MYH10: variants seen among roughly 807,000 people sequenced by gnomAD.
The protein encoded by MYH10 is myosin-10.
A neutral mutation model predicts 257.8 loss-of-function variants in MYH10; 55 were observed. The observed-to-expected ratio is 0.21, with a 90% CI of 0.17 to 0.27. MYH10 has a LOEUF of 0.27. Ranked by LOEUF, MYH10 falls within the 10% of genes least tolerant of loss-of-function variation. MYH10 has a pLI of 1.00. For synonymous variants in MYH10, 854 were observed against 921.7 expected (o/e 0.93, Z 1.33); for missense variants, 1,631 against 2,500.6 (o/e 0.65, Z 7.42).
intron 31 of MYH10, among the ~76,000 whole-genome samples, chr17:8,494,600 G>A (rs1437775005): frequency 2.6e-5 from 4 of 151,908 alleles, no homozygotes; most frequent in African/African-American, 4.8e-5. Flanking sequence ...ACACTCATAA[G>A]TGTTTGTAAA....
At chr17:8,588,029 C>A (rs1018325804) in intron 4 of MYH10, among the ~76,000 whole-genome samples, 3 of 151,936 alleles carry the variant, frequency 2.0e-5, no homozygotes, top group African/African-American at 7.3e-5. Context: ...CCCTCTGTCC[C>A]GAAATGCCTC....
intron 23 of MYH10, 143 bp from the exon 24 acceptor site, chr17:8,512,800 GTT>G: frequency 1.5e-6 from 1 of 680,302 alleles, no homozygotes; most frequent in Non-Finnish European, 2.3e-6. Context: ...TTTCAAATAC[GTT>G]TTTGTCTATA....
intron 28 of MYH10, among the ~76,000 whole-genome samples, chr17:8,503,597 G>A (rs527836335): frequency 1.6e-4 from 24 of 152,294 alleles, no homozygotes; most frequent in Non-Finnish European, 3.1e-4. Flanking sequence ...CAAGTGCCCA[G>A]GTTTCCAGCT....
At position 8,535,520 on chromosome 17, in the gene MYH10, A is replaced by G. The variant is rs758430249; in HGVS notation, c.1780-19T>C. 3 of 1,574,294 alleles carry G rather than the reference A, an allele frequency of 1.9e-6. No individual in the cohort carries two copies. The highest frequency in any genetic ancestry group is 1.7e-6 in the Non-Finnish European group (2 of 1,155,692). ...AGTCCACCTATCCCGCACCAAAGCC[A>G]AAAGTGGTGAAATGGAGAACACAAA... is the stretch of plus-strand genomic sequence containing the variant. On this transcript the variant is annotated intron_variant, in intron 15 of 42. Transcript: ENST00000360416. This position sits in a 1 kb window ranked among gnomAD's most constrained non-coding sequence, Gnocchi z 4.3.
Position 8,499,392 on chromosome 17 carries a change from C to T in MYH10, c.3829G>A (p.Val1277Ile). Residue 1277 changes from valine (V) to isoleucine (I), a missense_variant, in exon 30 of 43, where the codon GTC becomes ATC. Coordinates refer to ENST00000360416, the MANE Select transcript of MYH10 (RefSeq NM_001256012.3). The part of the protein sequence containing the change: ...LACEVKVLQQ[V>I]KAESEHKRKK... ...CTCTTGTGCTCAGACTCAGCCTTGA[C>T]CTGCTGCAGGACCTTCACCTCACAC... The T allele has an allele frequency of 6.2e-7, 1 of 1,614,230 alleles. No homozygotes were observed. Among genetic ancestry groups the T allele is most frequent in the East Asian group, 2.2e-5 (1 of 44,882 alleles).
chr17:8,542,002 T>C lies in MYH10; in HGVS notation c.1605+105A>G, dbSNP rs965274752. The C allele has an allele frequency of 1.1e-5, 13 of 1,142,454 alleles. No homozygotes were observed. In the African/African-American group the frequency reaches 2.0e-4, roughly 18 times the overall value. 70.8% of individuals were successfully genotyped at this position (1,142,454 alleles called of 1,614,324 possible). A position where few individuals can be genotyped will look rare whatever the true frequency, so the allele number is the denominator to read the frequency against. On this transcript the variant is annotated intron_variant, in intron 14 of 42. Coordinates refer to ENST00000360416, the MANE Select transcript of MYH10 (RefSeq NM_001256012.3). ...TCCTAGAAAATTTAGATCAGAAAAT[T>C]ATTTCACCACTGAACAGACTGGGTA...
At chr17:8,548,092 T>A (rs560128179) in intron 11 of MYH10, among the ~76,000 whole-genome samples, 2 of 152,226 alleles carry the variant, frequency 1.3e-5, no homozygotes, top group Non-Finnish European at 2.9e-5. Context: ...GCCTCCTGCA[T>A]GCTAAGGCAG....
At chr17:8,519,652 A>AT (rs2081584163) in intron 19 of MYH10, among the ~76,000 whole-genome samples, 1 of 152,040 alleles carries the variant, frequency 6.6e-6, no homozygotes, top group African/African-American at 2.4e-5. Context: ...TGGGATCAGA[A>AT]TGATGGCTTT....
Position 8,535,382 on chromosome 17 carries a change from CTT to C in MYH10, c.1894+3_1894+4del. On this transcript the variant is annotated splice_donor_region_variant and intron_variant, in intron 16 of 42. Transcript: ENST00000360416. The surrounding 1 kb of genome is among the most constrained non-coding windows in gnomAD (Gnocchi z 4.3). The stretch of plus-strand genomic sequence containing the variant: ...GCATGATTACAAAGATAAGCACTTT[CTT>C]ACCATCTTTCCAAAGCTCTGCCACA... The C allele has an allele frequency of 1.2e-6, 2 of 1,609,222 alleles. No individual in the cohort carries two copies. The highest frequency in any genetic ancestry group is 1.7e-6 in the Non-Finnish European group (2 of 1,176,376).
At chr17:8,494,206 G>A (rs775786999) in intron 31 of MYH10, among the ~76,000 whole-genome samples, 14 of 151,950 alleles carry the variant, frequency 9.2e-5, no homozygotes, top group Non-Finnish European at 1.9e-4. Context: ...GTCACGCCTG[G>A]AATCCCTTCC....
chr17:8,530,552 C>T (rs1249156868), intron 17 of MYH10, 71 bp downstream of exon 17: 2 of 538,572 alleles, frequency 3.7e-6, no homozygotes, highest in African/African-American at 2.1e-5. Context: ...CCCTGCCAGT[C>T]CCCCCACACG....
chr17:8,622,601 T>C (rs775446856), intron 2 of MYH10, among the ~76,000 whole-genome samples: 2 of 152,228 alleles, frequency 1.3e-5, no homozygotes, highest in Non-Finnish European at 2.9e-5. Context: ...TTAAACCTTC[T>C]GGTCTTCCTG....
At chr17:8,511,614 C>T (rs2081299429) in intron 24 of MYH10, among the ~76,000 whole-genome samples, 1 of 152,212 alleles carries the variant, frequency 6.6e-6, no homozygotes, top group African/African-American at 2.4e-5. Flanking sequence ...AGGAAATGTT[C>T]AAGAGTAACT....
chr17:8,499,174 C>G, intron 30 of MYH10, 96 bp downstream of exon 30: 1 of 1,237,156 alleles, frequency 8.1e-7, no homozygotes. Flanking sequence ...TCGCACAGCA[C>G]ATTGGCCATG....
intron 3 of MYH10, among the ~76,000 whole-genome samples, chr17:8,592,933 C>CTATATATATATATATATA (rs71159601): frequency 4.5e-5 from 2 of 44,712 alleles, no homozygotes; most frequent in African/African-American, 6.2e-5. Context: ...TCAAATCCAG[C>CTATATATATATATATATA]TATATATATA....
At position 8,542,069 on chromosome 17, in the gene MYH10, T is replaced by G. The variant is rs374231551; in HGVS notation, c.1605+38A>C. 23 of 1,574,660 alleles carry G rather than the reference T, an allele frequency of 1.5e-5. No individual in the cohort carries two copies. In the East Asian group the frequency reaches 2.3e-4, roughly 15 times the overall value. ...ATGCCACTTAAGGTCACTGCTTGAG[T>G]GGAAAATGAAAGACAGCGAGCAAGT... is the stretch of plus-strand genomic sequence containing the variant. On this transcript the variant is annotated intron_variant, in intron 14 of 42. Transcript: ENST00000360416.
chr17:8,615,106 C>T (rs1404790572), intron 2 of MYH10, among the ~76,000 whole-genome samples: 1 of 151,984 alleles, frequency 6.6e-6, no homozygotes, highest in African/African-American at 2.4e-5. Context: ...CAAGACTGGC[C>T]AACATGGTGA....
rs775720516 is a variant in MYH10 at position 8,478,328 on chromosome 17, C to A, written c.5706+10G>T. 2.5e-6 allele frequency: 4 copies of A among 1,612,532 alleles called. No homozygotes were observed. In the South Asian group the frequency reaches 3.3e-5, roughly 13 times the overall value. On this transcript the variant is annotated intron_variant, in intron 41 of 42. Transcript: ENST00000360416. ...TCACGCGCTTCCCAGGGAGGCACTT[C>A]CTCGCGTACCTGCTCTTTATACTGG...
At chr17:8,479,579 TC>T (rs1159112009) in intron 40 of MYH10, among the ~76,000 whole-genome samples, 1 of 152,082 alleles carries the variant, frequency 6.6e-6, no homozygotes, top group Non-Finnish European at 1.5e-5. Context: ...GGCTCCAAGC[TC>T]CCCAGCAAGA....
Sources: gnomAD v4.1 joint callset for allele counts (sites outside exome capture counted in the v4.1 genomes callset) on GRCh38, gnomAD v4.1.1 for gene constraint, Gnocchi (gnomAD v3.1) non-coding constraint, MANE v1.5 for transcripts, NCBI Gene and HGNC (gene_info 2026-07-23, HGNC 2026-07-21) for gene names.